RASIP1: variants seen among roughly 807,000 people sequenced by gnomAD.
The protein encoded by RASIP1 is ras-interacting protein 1.
Under a neutral mutation model 85.3 loss-of-function variants are expected in RASIP1, and 20 were observed. The observed-to-expected ratio is 0.23, with a 90% CI of 0.17 to 0.34. The LOEUF is 0.34. Ranked by LOEUF, RASIP1 falls within the 10% of genes least tolerant of loss-of-function variation. The pLI is 1.00. For missense variants in RASIP1, 1,170 were observed against 1,390.9 expected, an observed-to-expected ratio of 0.84 and a Z score of 2.53; for synonymous variants, 617 against 647.1, an observed-to-expected ratio of 0.95 and a Z score of 0.71.
Position 48,729,561 on chromosome 19 carries a change from C to T in RASIP1, c.1209G>A (p.Glu403=), listed in dbSNP as rs1334955520. The change falls in exon 5 of 12, where the codon GAG becomes GAA. Residue 403 remains glutamate (E), a synonymous_variant. Transcript: ENST00000222145. The part of the protein sequence containing the change: ...QDFVVYVMTR[E]QHVFGRGGNS... The stretch of plus-strand genomic sequence containing the variant: ...TCCCACCTCGCCCAAACACGTGCTG[C>T]TCTCGCGTCATCACATACACCACAA... 1 of 1,601,846 alleles carries T rather than the reference C, an allele frequency of 6.2e-7. No homozygotes were observed. The highest frequency in any genetic ancestry group is 1.7e-5 in the Admixed American group (1 of 58,680).
At chr19:48,723,105 CA>C (rs1167063497) in intron 10 of RASIP1, among the ~76,000 whole-genome samples, 6 of 152,046 alleles carry the variant, frequency 3.9e-5, no homozygotes, top group African/African-American at 1.4e-4. Context: ...CAACTGGTGT[CA>C]AACTCCTGGG....
rs989389855 is a variant in RASIP1, at chr19:48,739,633, C to T, written c.150G>A (p.Ser50=). The T allele has an allele frequency of 5.6e-6, 8 of 1,425,720 alleles. No homozygotes were observed. The African/African-American group carries it at 8.9e-5, about 16-fold the overall frequency. The allele number at this position is 1,425,720 out of a possible 1,614,324, so 88.3% of individuals were successfully genotyped here. A position where few individuals can be genotyped will look rare whatever the true frequency, so the allele number is the denominator to read the frequency against. Reference sequence around the variant, plus strand: ...GCTCGCTGCTGCGGCTCCCCGTGTCCGACGAAGAAGACCTGGGAGTCCGCC... The same window carrying T: ...GCTCGCTGCTGCGGCTCCCCGTGTCTGACGAAGAAGACCTGGGAGTCCGCC... ...PSAASVKSSS[S]DTGSRSSEPL... is the part of the protein sequence containing the mutation. Residue 50 remains serine (S), a synonymous_variant, in exon 3 of 12, where the codon TCG becomes TCA. Coordinates refer to ENST00000222145, the MANE Select transcript of RASIP1 (RefSeq NM_017805.3). This position sits in a 1 kb window ranked among gnomAD's most constrained non-coding sequence, Gnocchi z 9.2.
chr19:48,735,639 CAG>C (rs1599747068), intron 3 of RASIP1, 88 bp from the exon 4 acceptor site: 12 of 1,293,070 alleles, frequency 9.3e-6, no homozygotes, highest in Non-Finnish European at 1.2e-5. Context: ...GAACTGGTTG[CAG>C]AGAGGTGAGG....
chr19:48,739,747 A>G lies in RASIP1; in HGVS notation c.138-102T>C, dbSNP rs1599752270. The G allele has an allele frequency of 1.2e-6, 1 of 853,828 alleles. No homozygotes were observed. Among genetic ancestry groups the G allele is most frequent in the Non-Finnish European group, 1.4e-6 (1 of 710,186 alleles). The allele number at this position is 853,828 out of a possible 1,614,324, so 52.9% of individuals were successfully genotyped here. ...AGGAGGGAAGTGGGCAGAGACCCAG[A>G]GGGAGGACAGGGACCCAGGGTGGAT... On this transcript the variant is annotated intron_variant, in intron 2 of 11. Coordinates refer to ENST00000222145, the MANE Select transcript of RASIP1 (RefSeq NM_017805.3). This position sits in a 1 kb window ranked among gnomAD's most constrained non-coding sequence, Gnocchi z 9.2.
At position 48,735,502 on chromosome 19, in the gene RASIP1, C is replaced by G. The variant is rs770591605; in HGVS notation, c.873G>C (p.Ala291=). The change falls in exon 4 of 12, where the codon GCG becomes GCC. Residue 291 remains alanine (A), a synonymous_variant. Coordinates refer to ENST00000222145, the MANE Select transcript of RASIP1 (RefSeq NM_017805.3). ...WRPQKNRSRA[A]SGGAALASPG... is the part of the protein sequence containing the mutation. ...GACTGGCCAGCGCTGCCCCACCCGACGCCGCCCGGGAGCGGTTCTTCTGTG... is the reference window on the plus strand; with the variant it reads ...GACTGGCCAGCGCTGCCCCACCCGAGGCCGCCCGGGAGCGGTTCTTCTGTG... 5.8e-6 allele frequency: 9 copies of G among 1,553,702 alleles called. No individual in the cohort carries two copies. In the Admixed American group the frequency reaches 5.8e-5, roughly 10 times the overall value.
Position 48,721,905 on chromosome 19 carries a change from G to A in RASIP1, c.2641C>T (p.Pro881Ser). The A allele has an allele frequency of 6.2e-7, 1 of 1,605,342 alleles. No homozygotes were observed. The highest frequency in any genetic ancestry group is 1.3e-5 in the African/African-American group (1 of 74,442). ...SHYQLGPGRGPPAAWDPPPAE... is the reference protein window; with the variant it reads ...SHYQLGPGRGSPAAWDPPPAE... Reference sequence around the variant, plus strand: ...GGGGGAGGGTCCCACGCGGCTGGCGGCCCGCGGCCAGGGCCCAGCTGATAG... The same window carrying A: ...GGGGGAGGGTCCCACGCGGCTGGCGACCCGCGGCCAGGGCCCAGCTGATAG... Residue 881 changes from proline (P) to serine (S), a missense_variant, in exon 11 of 12, where the codon CCG becomes TCG. Pro to Ser is a moderately conservative substitution (Grantham distance 74, BLOSUM62 -1). This residue lies in a region of RASIP1 where 144 missense variants were observed against 125.5 expected (regional missense o/e 1.15). Transcript: ENST00000222145.
At position 48,726,841 on chromosome 19, in the gene RASIP1, G is replaced by A. The variant is rs189712936; in HGVS notation, c.2071C>T (p.Leu691Phe). ...DLELCDEAMA[L>F]LDEVIMCTFQ... ...GTACACATGATGACCTCATCCAGGA[G>A]GGCCATGGCCTCATCACATAATTCC... The change falls in exon 8 of 12, where the codon CTC becomes TTC. Residue 691 changes from leucine (L) to phenylalanine (F), a missense_variant. Leu to Phe is a conservative substitution (Grantham distance 22, BLOSUM62 0). Coordinates refer to ENST00000222145, the MANE Select transcript of RASIP1 (RefSeq NM_017805.3). The A allele has an allele frequency of 1.2e-6, 2 of 1,614,094 alleles. No homozygotes were observed. The highest frequency in any genetic ancestry group is 1.7e-5 in the Admixed American group (1 of 59,988).
In RASIP1 at chr19:48,729,182, G is replaced by C; in HGVS notation, c.1588C>G (p.Arg530Gly). Residue 530 changes from arginine (R) to glycine (G), a missense_variant, in exon 5 of 12, where the codon CGC becomes GGC. Transcript: ENST00000222145. The part of the protein sequence containing the change: ...CRLCGRGLQE[R>G]GEALAAYLDG... ...AGGTAGGCGGCCAGTGCCTCGCCGC[G>C]CTCCTGCAGGCCGCGGCCGCACAGG... is the stretch of plus-strand genomic sequence containing the variant. 7.8e-7 allele frequency: 1 copy of C among 1,276,884 alleles called. No homozygotes were observed. Among genetic ancestry groups the C allele is most frequent in the African/African-American group, 1.6e-5 (1 of 62,624 alleles). The allele number at this position is 1,276,884 out of a possible 1,614,324, so 79.1% of individuals were successfully genotyped here.
intron 5 of RASIP1, 94 bp downstream of exon 5, chr19:48,728,843 G>T: frequency 7.8e-7 from 1 of 1,277,748 alleles, no homozygotes; most frequent in Non-Finnish European, 1.0e-6. Flanking sequence ...GTAGTATCCA[G>T]CCCAGCTATG....
intron 5 of RASIP1, among the ~76,000 whole-genome samples, chr19:48,727,653 G>A (rs1412631925): frequency 6.7e-6 from 1 of 149,010 alleles, no homozygotes; most frequent in Admixed American, 6.7e-5. Flanking sequence ...ATGAGCCACT[G>A]CAACCGGCCT....
In RASIP1 at chr19:48,724,254, G is replaced by C; in HGVS notation, c.2544+83C>G. On this transcript the variant is annotated intron_variant, in intron 10 of 11. Transcript: ENST00000222145. This position sits in a 1 kb window ranked among gnomAD's most constrained non-coding sequence, Gnocchi z 4.6. ...TGGCATGGGGTTCAAGGGGAGCTCT[G>C]ACGGTGAGCTGAATATAGAAGGTGG... 1 of 1,446,076 alleles carries C rather than the reference G, an allele frequency of 6.9e-7. No individual in the cohort carries two copies. Among genetic ancestry groups the C allele is most frequent in the Admixed American group, 2.0e-5 (1 of 49,548 alleles). The allele number at this position is 1,446,076 out of a possible 1,614,324, so 89.6% of individuals were successfully genotyped here.
Position 48,720,888 on chromosome 19 carries a change from G to A in RASIP1, c.2802C>T (p.Leu934=), listed in dbSNP as rs993835120. Residue 934 remains leucine (L), a synonymous_variant, in exon 12 of 12, where the codon CTC becomes CTT. Transcript: ENST00000222145. The part of the protein sequence containing the change: ...PVTDDALHRE[L]RRLRRLLWDL... ...CCCAGAGGAGGCGGCGGAGCCTACG[G>A]AGTTCACGGTGCAAGGCATCGTCCG... is the stretch of plus-strand genomic sequence containing the variant. The A allele has an allele frequency of 6.2e-7, 1 of 1,614,030 alleles. No individual in the cohort carries two copies. The highest frequency in any genetic ancestry group is 8.5e-7 in the Non-Finnish European group (1 of 1,180,022).
chr19:48,737,872 G>A (rs1299907044), intron 3 of RASIP1: 19 of 982,020 alleles, frequency 1.9e-5, no homozygotes, highest in Non-Finnish European at 2.3e-5. Flanking sequence ...CAAGAACATT[G>A]TCCGTGCTTA....
Position 48,739,998 on chromosome 19 carries a change from G to T in RASIP1, c.137+148C>A. 9.0e-7 allele frequency: 1 copy of T among 1,114,404 alleles called. No individual in the cohort carries two copies. Among genetic ancestry groups the T allele is most frequent in the East Asian group, 2.9e-5 (1 of 34,786 alleles). The allele number at this position is 1,114,404 out of a possible 1,614,324, so 69.0% of individuals were successfully genotyped here. On this transcript the variant is annotated intron_variant, in intron 2 of 11. Transcript: ENST00000222145. This position sits in a 1 kb window ranked among gnomAD's most constrained non-coding sequence, Gnocchi z 9.2. ...ACTCCCACCGCGCCCTGGTATCACT[G>T]TGCCCCACCGTCTCCCCCTGCCCAC...
intron 5 of RASIP1, among the ~76,000 whole-genome samples, 164 bp downstream of exon 5, chr19:48,728,773 C>CAAAT (rs2033388693): frequency 2.0e-5 from 1 of 50,900 alleles, no homozygotes. Context: ...AAAACAAAAG[C>CAAAT]AAACAAACAA....
chr19:48,720,924 A>G lies in RASIP1; in HGVS notation c.2766T>C (p.Thr922=). ...LPLGSSRLRL[T]GPVTDDALHR... ...GCAAGGCATCGTCCGTCACTGGACC[A>G]GTGAGGCGCAGGCGCGAGCTCCCCA... The change falls in exon 12 of 12, where the codon ACT becomes ACC. Residue 922 remains threonine, a synonymous_variant. Transcript: ENST00000222145. 6.2e-7 allele frequency: 1 copy of G among 1,613,738 alleles called. No individual in the cohort carries two copies. The highest frequency in any genetic ancestry group is 8.5e-7 in the Non-Finnish European group (1 of 1,179,938).
rs1161818307 is a variant in RASIP1 at position 48,738,844 on chromosome 19, C to G, written c.823+116G>C. 9.0e-7 allele frequency: 1 copy of G among 1,112,230 alleles called. No homozygotes were observed. Among genetic ancestry groups the G allele is most frequent in the Non-Finnish European group, 1.1e-6 (1 of 900,430 alleles). 68.9% of individuals were successfully genotyped at this position (1,112,230 alleles called of 1,614,324 possible). On this transcript the variant is annotated intron_variant, in intron 3 of 11. Transcript: ENST00000222145. The surrounding 1 kb of genome is among the most constrained non-coding windows in gnomAD (Gnocchi z 4.0). ...GTCCAGTCCCCTCCCAGTCCCCTCC[C>G]GCGGGCCCCGCCCCCAGCCAGCCCG...
At position 48,724,416 on chromosome 19, in the gene RASIP1, C is replaced by G. The variant is rs1324415856; in HGVS notation, c.2465G>C (p.Gly822Ala). ...CCGGAAGAACTCAGTGGCAATGTCG[C>G]CCAGCCCAGCTCCCTGTAGCCAGTC... ...VLDWLQGAGL[G>A]DIATEFFRKL... The change falls in exon 10 of 12, where the codon GGC becomes GCC. Residue 822 changes from glycine to alanine, a missense_variant. Physicochemically the swap from Gly to Ala is moderately conservative, Grantham distance 60. Coordinates refer to ENST00000222145, the MANE Select transcript of RASIP1 (RefSeq NM_017805.3). This position sits in a 1 kb window ranked among gnomAD's most constrained non-coding sequence, Gnocchi z 4.6. 6.2e-7 allele frequency: 1 copy of G among 1,614,142 alleles called. No individual in the cohort carries two copies. The highest frequency in any genetic ancestry group is 1.3e-5 in the African/African-American group (1 of 75,028).
Position 48,729,478 on chromosome 19 carries a change from G to A in RASIP1, c.1292C>T (p.Pro431Leu). The A allele has an allele frequency of 1.3e-6, 2 of 1,579,428 alleles. No individual in the cohort carries two copies. The highest frequency in any genetic ancestry group is 2.3e-5 in the East Asian group (1 of 42,758). The change falls in exon 5 of 12, where the codon CCG becomes CTG. Residue 431 changes from proline to leucine, a missense_variant. Pro to Leu is a moderately conservative substitution (Grantham distance 98). Around this residue, in one of 4 missense-constraint regions of RASIP1, gnomAD observed 301 missense variants for 294.8 expected, o/e 1.02. Transcript: ENST00000222145. ...APYVDTFLNA[P>L]DILPRHCTVR... Reference sequence around the variant, plus strand: ...TGTGCAGTGACGCGGCAGGATGTCCGGGGCGTTGAGGAAGGTGTCCACATA... The same window carrying A: ...TGTGCAGTGACGCGGCAGGATGTCCAGGGCGTTGAGGAAGGTGTCCACATA...
Sources: allele counts gnomAD v4.1 joint callset (sites outside exome capture counted in the v4.1 genomes callset), GRCh38; gene constraint gnomAD v4.1.1; regional missense constraint gnomAD v4.1.1; non-coding constraint Gnocchi (gnomAD v3.1); transcripts MANE v1.5; gene names NCBI Gene and HGNC (gene_info 2026-07-23, HGNC 2026-07-21).